Variants in DPH6 observed in about 807,000 individuals in gnomAD.
DPH6 encodes the protein diphthine--ammonia ligase.
A neutral mutation model predicts 38.2 loss-of-function variants in DPH6; 33 were observed. The observed-to-expected ratio is 0.86, with a 90% CI of 0.65 to 1.15. DPH6 has a LOEUF of 1.15. Ranked by LOEUF, DPH6 falls within the 50% of genes most tolerant of loss-of-function variation. The probability of loss-of-function intolerance (pLI) is 0.00; values close to 1 mark genes in which losing one functional copy is unlikely to be tolerated. For synonymous variants in DPH6, 108 were observed against 103.0 expected, an observed-to-expected ratio of 1.05 and a Z score of -0.30; for missense variants, 325 against 320.0, an observed-to-expected ratio of 1.02 and a Z score of -0.12.
At chr15:35,544,862 T>C (rs1374330245) in intron 1 of DPH6, among the ~76,000 whole-genome samples, 1 of 152,250 alleles carries the variant, frequency 6.6e-6, no homozygotes, top group Non-Finnish European at 1.5e-5. Flanking sequence ...GTTAAACTTT[T>C]GGCAAGCGAT....
At chr15:35,411,909 C>A (rs2053371743) in intron 5 of DPH6, among the ~76,000 whole-genome samples, 1 of 151,508 alleles carries the variant, frequency 6.6e-6, no homozygotes, top group Non-Finnish European at 1.5e-5. Context: ...TATAAAACTC[C>A]TATAACAGGA....
chr15:35,156,142 G>T, the DPH6 span, among the ~76,000 whole-genome samples: 1 of 151,838 alleles, frequency 6.6e-6, no homozygotes, highest in Non-Finnish European at 1.5e-5. Context: ...TATTAAATAT[G>T]AAATATATGA....
At chr15:35,206,543 C>T in the DPH6 span, among the ~76,000 whole-genome samples, 2 of 152,134 alleles carry the variant, frequency 1.3e-5, no homozygotes, top group African/African-American at 2.4e-5. Flanking sequence ...CTATCCTGAA[C>T]TTAGTAAGTG....
chr15:35,441,978 T>C (rs2141059359), intron 5 of DPH6, among the ~76,000 whole-genome samples: 2 of 152,080 alleles, frequency 1.3e-5, no homozygotes, highest in Middle Eastern at 6.8e-3. Context: ...AGTTAGGCAA[T>C]GATTTCTTAG....
At chr15:35,359,752 C>T (rs994754346) in intron 3 of DPH6, among the ~76,000 whole-genome samples, 7 of 152,182 alleles carry the variant, frequency 4.6e-5, no homozygotes, top group Non-Finnish European at 7.3e-5. Context: ...AGGAGCAGTC[C>T]ACTTCCTTCA....
intron 3 of DPH6, chr15:35,283,105 CCTTCTTCTTCTTCTCCTTCTCCTCTTCT>C: frequency 6.5e-6 from 1 of 154,750 alleles, no homozygotes; most frequent in Non-Finnish European, 1.4e-5. Flanking sequence ...TCTTCTTCTC[CCTTCTTCTTCTTCTCCTTCTCCTCTTCT>C]CTTCTTCTTC....
chr15:35,294,078 G>A (rs537198788), intron 3 of DPH6, among the ~76,000 whole-genome samples: 1 of 152,024 alleles, frequency 6.6e-6, no homozygotes, highest in Non-Finnish European at 1.5e-5. Context: ...GCTTTGGCAC[G>A]ACCACACTCC....
the DPH6 span, among the ~76,000 whole-genome samples, chr15:35,185,010 A>T: frequency 6.6e-6 from 1 of 152,194 alleles, no homozygotes; most frequent in Non-Finnish European, 1.5e-5. Context: ...GAAATTGACT[A>T]GGAAGAATAG....
intron 3 of DPH6, among the ~76,000 whole-genome samples, chr15:35,306,162 G>T (rs2052089216): frequency 6.6e-6 from 1 of 152,140 alleles, no homozygotes; most frequent in Non-Finnish European, 1.5e-5. Context: ...CATTCTATAA[G>T]AATGCTAATT....
At chr15:35,247,998 A>G (rs1345198220) in intron 3 of DPH6, among the ~76,000 whole-genome samples, 2 of 152,222 alleles carry the variant, frequency 1.3e-5, no homozygotes, top group Admixed American at 6.5e-5. Context: ...TATAAAATCA[A>G]TGGTAAATAG....
rs532830280 is a variant in DPH6, at chr15:35,232,257, C to T, written n.201-11675G>A. On this transcript the variant is annotated intron_variant and non_coding_transcript_variant, in intron 3 of 3. Coordinates refer to the DPH6 transcript ENST00000560386. The stretch of plus-strand genomic sequence containing the variant: ...CTACCTTGGAAGGATATTGTGATCA[C>T]TAATAATTGACACAGAACCTGGAGT... 7.9e-5 allele frequency among the ~76,000 whole-genome samples: 12 copies of T among 152,254 alleles called. No individual in the cohort carries two copies. The South Asian group carries it at 2.1e-3, about 26-fold the overall frequency.
chr15:35,337,385 T>C (rs2052382133), intron 3 of DPH6, among the ~76,000 whole-genome samples: 1 of 151,918 alleles, frequency 6.6e-6, no homozygotes, highest in African/African-American at 2.4e-5. Context: ...TATACACCAA[T>C]AACAGACAAA....
chr15:35,513,641 A>C (rs7164621), intron 3 of DPH6, among the ~76,000 whole-genome samples: 40,105 of 151,818 alleles, frequency 0.26, 9,331 homozygotes, highest in African/African-American at 0.63. Context: ...GAGGCTTATT[A>C]CAAATCTTAA....
the DPH6 span, among the ~76,000 whole-genome samples, chr15:35,185,906 T>G: frequency 4.0e-5 from 6 of 150,404 alleles, no homozygotes; most frequent in East Asian, 4.0e-4. Context: ...CTAATTTTTT[T>G]TGTGTTTTTA....
Position 35,278,250 on chromosome 15 carries a change from C to T in DPH6, n.201-57668G>A, listed in dbSNP as rs576752036. Among the ~76,000 whole-genome samples, 19 of 152,344 alleles carry T rather than the reference C, an allele frequency of 1.2e-4. 1 individual carries two copies. The South Asian group carries it at 3.1e-3, about 25-fold the overall frequency. On this transcript the variant is annotated intron_variant and non_coding_transcript_variant, in intron 3 of 3. Transcript: ENST00000560386. ...GCTACTCCCTGCAACCAGGCTGCTCCAGCTCCAGATGTGGCTCAAAGGCCC... is the reference window on the plus strand; with the variant it reads ...GCTACTCCCTGCAACCAGGCTGCTCTAGCTCCAGATGTGGCTCAAAGGCCC...
chr15:35,536,129 G>A (rs1392844773), intron 3 of DPH6, among the ~76,000 whole-genome samples: 2 of 151,872 alleles, frequency 1.3e-5, no homozygotes, highest in Non-Finnish European at 2.9e-5. Flanking sequence ...AGACAAACTT[G>A]AAAAATTATA....
In DPH6 at chr15:35,394,553, T is replaced by C. The variant is rs182121830; in HGVS notation, c.568-12637A>G. ...TAATTCTAAGAGTGGGTACAGTGCA[T>C]GTTGTAATGAGGCACAGTGAAAGCA... On this transcript the variant is annotated intron_variant, in intron 6 of 8. Coordinates refer to ENST00000256538, the MANE Select transcript of DPH6 (RefSeq NM_080650.4). Among the ~76,000 whole-genome samples the C allele has an allele frequency of 2.6e-4, 39 of 152,346 alleles. 1 individual carries two copies. The highest frequency in any genetic ancestry group is 4.3e-4 in the Non-Finnish European group (29 of 68,022).
At chr15:35,149,800 A>G in the DPH6 span, among the ~76,000 whole-genome samples, 1 of 152,376 alleles carries the variant, frequency 6.6e-6, no homozygotes, top group Non-Finnish European at 1.5e-5. Context: ...TGTGCTAAAG[A>G]ACAAGCCTCA....
At chr15:35,245,331 C>T (rs1029826992) in intron 3 of DPH6, among the ~76,000 whole-genome samples, 2 of 147,520 alleles carry the variant, frequency 1.4e-5, no homozygotes, top group African/African-American at 5.0e-5. Context: ...CTCCGCCTCC[C>T]GGGTTCACGC....
Sources: allele counts gnomAD v4.1 joint callset (sites outside exome capture counted in the v4.1 genomes callset), GRCh38; gene constraint gnomAD v4.1.1; transcripts MANE v1.5; gene names NCBI Gene and HGNC (gene_info 2026-07-23, HGNC 2026-07-21).